The following TEAD4 variants were observed in gnomAD, a reference collection of about 807,000 sequenced individuals.
TEAD4 encodes the protein transcriptional enhancer factor TEF-3.
In TEAD4, 36 loss-of-function variants were observed where a neutral mutation model predicts 52.4. The ratio of observed to expected loss-of-function variants is 0.69; its 90% CI spans 0.53 to 0.91. The LOEUF is 0.91. TEAD4 is among the 40% of genes least tolerant of loss of function. TEAD4 has a pLI of 0.00. For missense variants in TEAD4, 508 were observed against 583.9 expected (o/e 0.87, Z 1.34); for synonymous variants, 220 against 231.0 (o/e 0.95, Z 0.43).
intron 3 of TEAD4, among the ~76,000 whole-genome samples, chr12:3,008,884 C>T (rs1271470086): frequency 1.3e-5 from 2 of 152,162 alleles, no homozygotes; most frequent in African/African-American, 4.8e-5. Flanking sequence ...TCTGCCATCC[C>T]CATCCCTCCT....
At chr12:3,000,185 C>T (rs1445600274) in intron 3 of TEAD4, among the ~76,000 whole-genome samples, 1 of 152,210 alleles carries the variant, frequency 6.6e-6, no homozygotes, top group Non-Finnish European at 1.5e-5. Flanking sequence ...TGGGGTTGTC[C>T]ACAGCCGATA....
chr12:3,028,689 G>A (rs61918013), intron 10 of TEAD4, among the ~76,000 whole-genome samples: 3,448 of 151,904 alleles, frequency 0.023, 92 homozygotes, highest in African/African-American at 0.063. Flanking sequence ...GGAGTACAGC[G>A]GCGTAATTTT....
chr12:2,969,145 AC>A (rs1393697397), intron 2 of TEAD4, among the ~76,000 whole-genome samples: 1 of 152,250 alleles, frequency 6.6e-6, no homozygotes, highest in African/African-American at 2.4e-5. Context: ...TGTAGGTTCC[AC>A]ATGGATTCGA....
At chr12:3,012,620 C>T (rs2098261271) in intron 5 of TEAD4, among the ~76,000 whole-genome samples, 2 of 152,124 alleles carry the variant, frequency 1.3e-5, no homozygotes, top group African/African-American at 2.4e-5. Context: ...GTGGGGGTGG[C>T]GTTTATGGTA....
chr12:2,989,499 T>A (rs2098241369), intron 2 of TEAD4, among the ~76,000 whole-genome samples: 1 of 152,070 alleles, frequency 6.6e-6, no homozygotes, highest in African/African-American at 2.4e-5. Context: ...AGTGCAATGG[T>A]GCAATATGGG....
chr12:3,035,037 G>T (rs2098278519), intron 10 of TEAD4, among the ~76,000 whole-genome samples: 1 of 152,118 alleles, frequency 6.6e-6, no homozygotes. Flanking sequence ...GCAGGCGAAG[G>T]TTGCAGTGAG....
chr12:2,997,182 C>T (rs2098247927), intron 3 of TEAD4, among the ~76,000 whole-genome samples: 1 of 152,134 alleles, frequency 6.6e-6, no homozygotes, highest in African/African-American at 2.4e-5. Flanking sequence ...GCTTCAGCTC[C>T]AGGAGTTACA....
chr12:3,015,871 A>G (rs896936888), intron 5 of TEAD4, among the ~76,000 whole-genome samples: 1 of 151,894 alleles, frequency 6.6e-6, no homozygotes, highest in African/African-American at 2.4e-5. Context: ...TAATGGTTTT[A>G]TCTTTGTCAT....
At chr12:3,017,972 C>T (rs2098265801) in intron 6 of TEAD4, among the ~76,000 whole-genome samples, 1 of 152,204 alleles carries the variant, frequency 6.6e-6, no homozygotes, top group African/African-American at 2.4e-5. Context: ...TTAACTTTCC[C>T]AGCCATGACC....
chr12:3,034,026 TTG>T (rs966136796), intron 10 of TEAD4, among the ~76,000 whole-genome samples: 2 of 151,380 alleles, frequency 1.3e-5, no homozygotes, highest in African/African-American at 4.9e-5. Flanking sequence ...CTGGGGCTGA[TTG>T]TGGGATCTCT....
intron 2 of TEAD4, among the ~76,000 whole-genome samples, chr12:2,972,537 T>C: frequency 6.8e-6 from 1 of 147,384 alleles, no homozygotes; most frequent in East Asian, 2.1e-4. Flanking sequence ...TTTGCTTTTG[T>C]TGCCCAGGCT....
chr12:2,979,492 C>T (rs536607545), intron 2 of TEAD4, among the ~76,000 whole-genome samples: 14 of 152,192 alleles, frequency 9.2e-5, no homozygotes, highest in Non-Finnish European at 1.6e-4. Flanking sequence ...CGAAGTGCGG[C>T]GTTGCCGACC....
chr12:3,007,005 C>T (rs567716075), intron 3 of TEAD4, among the ~76,000 whole-genome samples: 11 of 152,258 alleles, frequency 7.2e-5, no homozygotes, highest in East Asian at 5.8e-4. Flanking sequence ...TCAGCCTGGG[C>T]GACAGCGAGA....
chr12:2,981,983 G>A (rs545501370), intron 2 of TEAD4, among the ~76,000 whole-genome samples: 2 of 152,284 alleles, frequency 1.3e-5, no homozygotes, highest in East Asian at 3.9e-4. Flanking sequence ...GAGGAGTTGT[G>A]AGGGGCTTAG....
intron 2 of TEAD4, among the ~76,000 whole-genome samples, chr12:2,992,176 G>A (rs1217224563): frequency 6.6e-6 from 1 of 152,016 alleles, no homozygotes; most frequent in African/African-American, 2.4e-5. Flanking sequence ...CCGCCACCAT[G>A]CCCGGCTAAT....
chr12:3,027,455 C>T (rs546749915), intron 10 of TEAD4, among the ~76,000 whole-genome samples: 1 of 152,298 alleles, frequency 6.6e-6, no homozygotes, highest in Admixed American at 6.5e-5. Flanking sequence ...ATACAGGCCA[C>T]GCACAGTGGC....
chr12:2,962,489 C>T (rs1042637062), intron 2 of TEAD4, among the ~76,000 whole-genome samples: 9 of 151,558 alleles, frequency 5.9e-5, no homozygotes, highest in Non-Finnish European at 1.2e-4. Flanking sequence ...GCGTGCGCCA[C>T]CGTGCCCCAC....
intron 2 of TEAD4, among the ~76,000 whole-genome samples, chr12:2,984,449 C>G (rs975255679): frequency 6.6e-6 from 1 of 151,828 alleles, no homozygotes; most frequent in Non-Finnish European, 1.5e-5. Context: ...GACATGTAGG[C>G]GACAGAAAGA....
chr12:3,037,856 C>A, intron 10 of TEAD4, 112 bp from the exon 11 acceptor site: 1 of 1,329,080 alleles, frequency 7.5e-7, no homozygotes, highest in Non-Finnish European at 1.0e-6. Flanking sequence ...TACCCTCAGT[C>A]TGATTTCTTC....
Sources: allele counts gnomAD v4.1 joint callset (sites outside exome capture counted in the v4.1 genomes callset), GRCh38; gene constraint gnomAD v4.1.1; transcripts MANE v1.5; gene names NCBI Gene and HGNC (gene_info 2026-07-23, HGNC 2026-07-21).